C8A: variants seen among roughly 807,000 people sequenced by gnomAD.
C8A encodes the protein complement component C8 alpha chain.
C8A carries 67 observed loss-of-function variants against 65.3 expected under a neutral mutation model. That is an observed-to-expected ratio of 1.03 (90% CI 0.84 to 1.26). The LOEUF is 1.26. C8A is among the 50% of genes most tolerant of loss of function. The pLI is 0.00. For synonymous variants in C8A, 290 were observed against 259.4 expected (o/e 1.12, Z -1.13); for missense variants, 781 against 723.9 (o/e 1.08, Z -0.90).
At chr1:56,880,979 C>G (rs1644242640) in intron 4 of C8A, among the ~76,000 whole-genome samples, 1 of 152,168 alleles carries the variant, frequency 6.6e-6, no homozygotes, top group Admixed American at 6.6e-5. Context: ...ACATATTCTT[C>G]TCTAACTTAT....
intron 5 of C8A, among the ~76,000 whole-genome samples, chr1:56,882,060 C>T (rs958835610): frequency 2.6e-5 from 4 of 152,148 alleles, no homozygotes; most frequent in Non-Finnish European, 4.4e-5. Context: ...GCTTTTGTTT[C>T]ACCAAAGGCA....
Position 56,917,549 on chromosome 1 carries a change from G to A in C8A, c.1604-16G>A, listed in dbSNP as rs544242502. 5.3e-5 allele frequency: 85 copies of A among 1,614,098 alleles called. 1 individual carries two copies. The South Asian group carries it at 8.9e-4, about 17-fold the overall frequency. On this transcript the variant is annotated splice_polypyrimidine_tract_variant and intron_variant, in intron 10 of 10. Transcript: ENST00000361249. ...CATATGCTAACCTTCTCCTCCCTGG[G>A]AAATTTCCTCTGCAGGAGCCAAAGC... is the stretch of plus-strand genomic sequence containing the variant.
chr1:56,903,425 A>G (rs1644441407), intron 7 of C8A, among the ~76,000 whole-genome samples: 1 of 152,186 alleles, frequency 6.6e-6, no homozygotes, highest in Non-Finnish European at 1.5e-5. Context: ...TTCCCCAGCC[A>G]TGCTGCACTG....
chr1:56,913,171 T>C (rs1237792416), intron 10 of C8A, among the ~76,000 whole-genome samples: 1 of 152,196 alleles, frequency 6.6e-6, no homozygotes, highest in Non-Finnish European at 1.5e-5. Flanking sequence ...TCTCTTCTTA[T>C]AAGAACCACC....
chr1:56,862,982 G>C (rs994667668), intron 1 of C8A, among the ~76,000 whole-genome samples: 2 of 152,136 alleles, frequency 1.3e-5, no homozygotes, highest in East Asian at 3.9e-4. Context: ...AGAAAAACTG[G>C]GGACTCAATA....
intron 2 of C8A, among the ~76,000 whole-genome samples, chr1:56,869,890 CAGTT>C (rs968006200): frequency 2.0e-5 from 3 of 152,160 alleles, no homozygotes; most frequent in East Asian, 1.9e-4. Context: ...ACCCACCACT[CAGTT>C]AGTGAGGTGC....
intron 6 of C8A, among the ~76,000 whole-genome samples, chr1:56,884,294 A>G (rs547545293): frequency 6.6e-6 from 1 of 152,200 alleles, no homozygotes; most frequent in African/African-American, 2.4e-5. Context: ...AAGCCACACA[A>G]AAACTTGGGA....
At chr1:56,914,651 G>A (rs1644537063) in intron 10 of C8A, among the ~76,000 whole-genome samples, 2 of 151,892 alleles carry the variant, frequency 1.3e-5, no homozygotes, top group African/African-American at 2.4e-5. Flanking sequence ...GTACCAAACC[G>A]ATCTTTAGTT....
chr1:56,889,509 T>C (rs2269114), intron 7 of C8A, among the ~76,000 whole-genome samples: 23,834 of 152,144 alleles, frequency 0.16, 2,178 homozygotes, highest in East Asian at 0.35. Flanking sequence ...CGTTTCTTTC[T>C]AGGTACCTTT....
At position 56,886,013 on chromosome 1, in the gene C8A, G is replaced by C. The variant is rs949347512; in HGVS notation, c.942G>C (p.Met314Ile). Residue 314 changes from methionine to isoleucine, a missense_variant, in exon 7 of 11, where the codon ATG becomes ATC. Transcript: ENST00000361249. The stretch of plus-strand genomic sequence containing the variant: ...ATGACATTATGCTGGATGAAGGAAT[G>C]CTGCAGTCATTAATGGAGCTTCCAG... ...RKDDIMLDEG[M>I]LQSLMELPDQ... is the part of the protein sequence containing the mutation. The C allele has an allele frequency of 4.6e-5, 74 of 1,613,946 alleles. No individual in the cohort carries two copies. The highest frequency in any genetic ancestry group is 6.1e-5 in the Non-Finnish European group (72 of 1,179,962).
intron 3 of C8A, among the ~76,000 whole-genome samples, chr1:56,875,838 C>T (rs1431943626): frequency 2.0e-5 from 3 of 151,968 alleles, no homozygotes; most frequent in East Asian, 3.9e-4. Context: ...TTACTGGGGG[C>T]TGCAATGTGG....
At chr1:56,866,611 C>T (rs1411199754) in intron 1 of C8A, among the ~76,000 whole-genome samples, 1 of 152,206 alleles carries the variant, frequency 6.6e-6, no homozygotes, top group African/African-American at 2.4e-5. Context: ...ATAATCATGC[C>T]ATTCATCACA....
At chr1:56,904,108 T>C (rs1644446291) in intron 7 of C8A, among the ~76,000 whole-genome samples, 1 of 152,202 alleles carries the variant, frequency 6.6e-6, no homozygotes, top group African/African-American at 2.4e-5. Context: ...CCTTTCTCTG[T>C]TCCTTTCACC....
Position 56,881,563 on chromosome 1 carries a change from G to T in C8A, c.583G>T (p.Glu195Ter). ...WRELRYDSTC[E>*]RLYYGDDEKY... Reference sequence around the variant, plus strand: ...GGAGCTTCGATATGACTCCACCTGTGAACGTCTCTACTATGGAGATGATGA... The same window carrying T: ...GGAGCTTCGATATGACTCCACCTGTTAACGTCTCTACTATGGAGATGATGA... Residue 195 changes from glutamate (E) to a stop codon, truncating the protein, a stop_gained, in exon 5 of 11, where the codon GAA becomes TAA. Coordinates refer to ENST00000361249, the MANE Select transcript of C8A (RefSeq NM_000562.3). LOFTEE classifies it high-confidence loss of function. 2 of 1,613,830 alleles carry T rather than the reference G, an allele frequency of 1.2e-6. No homozygotes were observed. The highest frequency in any genetic ancestry group is 1.7e-6 in the Non-Finnish European group (2 of 1,179,796).
intron 9 of C8A, 120 bp downstream of exon 9, chr1:56,908,233 C>A: frequency 8.6e-7 from 1 of 1,160,654 alleles, no homozygotes; most frequent in Non-Finnish European, 1.3e-6. Flanking sequence ...TGTAATGGCA[C>A]ACTGAACTAG....
At position 56,886,058 on chromosome 1, in the gene C8A, G is replaced by A; in HGVS notation, c.987G>A (p.Met329Ile). The A allele has an allele frequency of 6.2e-7, 1 of 1,614,042 alleles. No individual in the cohort carries two copies. The highest frequency in any genetic ancestry group is 8.5e-7 in the Non-Finnish European group (1 of 1,179,920). ...TTCCAGATCAGTACAATTATGGCATGTATGCCAAGTTCATCAATGACTATG... is the reference window on the plus strand; with the variant it reads ...TTCCAGATCAGTACAATTATGGCATATATGCCAAGTTCATCAATGACTATG... ...MELPDQYNYG[M>I]YAKFINDYGT... The change falls in exon 7 of 11, where the codon ATG becomes ATA. Residue 329 changes from methionine to isoleucine, a missense_variant. By Grantham distance (10) the Met-to-Ile change is conservative. Coordinates refer to ENST00000361249, the MANE Select transcript of C8A (RefSeq NM_000562.3).
intron 10 of C8A, among the ~76,000 whole-genome samples, chr1:56,914,603 G>C (rs1644536751): frequency 1.3e-5 from 2 of 152,188 alleles, no homozygotes; most frequent in African/African-American, 4.8e-5. Context: ...CTCATTGGGA[G>C]AGTAGTTCTA....
intron 2 of C8A, among the ~76,000 whole-genome samples, chr1:56,873,865 A>G (rs1437743074): frequency 6.6e-6 from 1 of 152,168 alleles, no homozygotes; most frequent in Non-Finnish European, 1.5e-5. Flanking sequence ...GCAGGGATAG[A>G]ACCTCATGTT....
In C8A at chr1:56,912,521, G is replaced by A. The variant is rs760124872; in HGVS notation, c.1499G>A (p.Gly500Glu). 3 of 1,614,202 alleles carry A rather than the reference G, an allele frequency of 1.9e-6. No homozygotes were observed. The highest frequency in any genetic ancestry group is 2.2e-5 in the South Asian group (2 of 91,082). The change falls in exon 10 of 11, where the codon GGG becomes GAG. Residue 500 changes from glycine to glutamate, a missense_variant. By Grantham distance (98) the Gly-to-Glu change is moderately conservative. Coordinates refer to ENST00000361249, the MANE Select transcript of C8A (RefSeq NM_000562.3). ...YLMEFNACRCGPCFNNGVPIL... is the reference protein window; with the variant it reads ...YLMEFNACRCEPCFNNGVPIL... ...ATGGAATTCAATGCCTGCCGATGTG[G>A]GCCTTGCTTCAACAATGGGGTGCCC... is the stretch of plus-strand genomic sequence containing the variant.
Sources: gnomAD v4.1 joint callset for allele counts (sites outside exome capture counted in the v4.1 genomes callset) on GRCh38, gnomAD v4.1.1 for gene constraint, MANE v1.5 for transcripts, NCBI Gene and HGNC (gene_info 2026-07-23, HGNC 2026-07-21) for gene names.